SLC25A46: variants seen among roughly 807,000 people sequenced by gnomAD.
SLC25A46 encodes solute carrier family 25 member 46, also known as mitochondrial outer membrane protein SLC25A46.
Under a neutral mutation model 44.6 loss-of-function variants are expected in SLC25A46, and 39 were observed. That is an observed-to-expected ratio of 0.87 (90% CI 0.68 to 1.14). The LOEUF (loss-of-function observed/expected upper bound fraction) is 1.14, where lower values mean the gene tolerates loss of function less well. Among genes scored for constraint, SLC25A46 ranks in the 50% most tolerant of loss-of-function variants. The pLI is 0.00. For missense variants in SLC25A46, 547 were observed against 522.7 expected, an observed-to-expected ratio of 1.05 and a Z score of -0.45; for synonymous variants, 202 against 185.8, an observed-to-expected ratio of 1.09 and a Z score of -0.71.
intron 2 of SLC25A46, 62 bp from the exon 3 acceptor site, chr5:110,743,668 C>T (rs931402153): frequency 1.1e-5 from 10 of 879,038 alleles, no homozygotes; most frequent in African/African-American, 7.0e-5. Flanking sequence ...CAGAAAGATA[C>T]CTGTTGTAAA....
chr5:110,742,932 T>C (rs1196542725), intron 2 of SLC25A46, among the ~76,000 whole-genome samples: 1 of 152,078 alleles, frequency 6.6e-6, no homozygotes, highest in East Asian at 1.9e-4. Flanking sequence ...ATAATGATCA[T>C]TATTTTAAAC....
Position 110,761,365 on chromosome 5 carries a change from A to G in SLC25A46, c.840A>G (p.Ser280=). ...LHGVLHYIIS[S]VIQKFVLLIL... ...GAGTTCTTCATTACATCATCAGCTC[A>G]GTTATTCAGAAGTTTGTCCTACTAA... Residue 280 remains serine (S), a synonymous_variant, in exon 8 of 8, where the codon TCA becomes TCG. Transcript: ENST00000355943. This position sits in a 1 kb window ranked among gnomAD's most constrained non-coding sequence, Gnocchi z 5.3. 1 of 1,613,754 alleles carries G rather than the reference A, an allele frequency of 6.2e-7. No homozygotes were observed. Among genetic ancestry groups the G allele is most frequent in the East Asian group, 2.2e-5 (1 of 44,852 alleles).
rs753479797 is a variant in SLC25A46, at chr5:110,756,698, A to G, written c.621-4A>G. 6.4e-6 allele frequency: 10 copies of G among 1,573,124 alleles called. No homozygotes were observed. Among genetic ancestry groups the G allele is most frequent in the African/African-American group, 1.4e-5 (1 of 72,424 alleles). ...TACTGATAAATTTGTTTTAATTTCT[A>G]TAGCCTAACTTACGTGGTGGCAATG... On this transcript the variant is annotated splice_region_variant and splice_polypyrimidine_tract_variant and intron_variant, in intron 6 of 7. Transcript: ENST00000355943.
intron 7 of SLC25A46, 140 bp downstream of exon 7, chr5:110,756,899 T>A (rs1800130843): frequency 2.1e-6 from 1 of 468,134 alleles, no homozygotes; most frequent in African/African-American, 2.0e-5. Flanking sequence ...ATCACAGTTA[T>A]ATCGCACGTT....
chr5:110,738,553 T>C (rs548349842), upstream of SLC25A46, among the ~76,000 whole-genome samples: 19 of 152,214 alleles, frequency 1.2e-4, no homozygotes, highest in African/African-American at 3.1e-4. Flanking sequence ...TCAATAGATT[T>C]GATCCAAAAC....
At chr5:110,755,838 T>G (rs983971027) in intron 6 of SLC25A46, among the ~76,000 whole-genome samples, 1 of 152,212 alleles carries the variant, frequency 6.6e-6, no homozygotes, top group East Asian at 1.9e-4. Context: ...ATTTTATTGT[T>G]AATCAGAGAT....
chr5:110,746,714 C>T (rs538447513), intron 4 of SLC25A46, among the ~76,000 whole-genome samples: 120 of 152,198 alleles, frequency 7.9e-4, no homozygotes, highest in African/African-American at 2.6e-3. Context: ...GGCTTGGGCA[C>T]AGTGTATGGC....
chr5:110,738,376 A>C (rs1286901915), upstream of SLC25A46: 1 of 585,142 alleles, frequency 1.7e-6, no homozygotes, highest in East Asian at 1.3e-4. Context: ...ACAGAAAACT[A>C]TAGTTTCTTT....
At chr5:110,738,973 G>C, upstream of SLC25A46, 5 of 1,451,320 alleles carry the variant, frequency 3.4e-6, no homozygotes, top group Non-Finnish European at 4.5e-6. Context: ...GTGCTCCGAA[G>C]ACTTCCGGGT....
chr5:110,761,792 T>C lies in SLC25A46; in HGVS notation c.*10T>C. Reference sequence around the variant, plus strand: ...TCAAAATAACATTTGAGATTTAGGTTCCTTCACTGAGTAGTCTGGAAGATA... The same window carrying C: ...TCAAAATAACATTTGAGATTTAGGTCCCTTCACTGAGTAGTCTGGAAGATA... On this transcript the variant is annotated 3_prime_UTR_variant, in exon 8 of 8. Coordinates refer to ENST00000355943, the MANE Select transcript of SLC25A46 (RefSeq NM_138773.4). This position sits in a 1 kb window ranked among gnomAD's most constrained non-coding sequence, Gnocchi z 5.3. The C allele has an allele frequency of 1.3e-6, 2 of 1,590,516 alleles. No homozygotes were observed. Among genetic ancestry groups the C allele is most frequent in the Non-Finnish European group, 8.6e-7 (1 of 1,166,922 alleles).
In SLC25A46 at chr5:110,750,392, T is replaced by C. The variant is rs555462032; in HGVS notation, c.563+2129T>C. On this transcript the variant is annotated intron_variant, in intron 5 of 7. Transcript: ENST00000355943. ...TTTAACAAACAATTCTGTAAAAAAA[T>C]AACAAAATGCAGGAAATTCCATTTG... is the stretch of plus-strand genomic sequence containing the variant. 5.3e-5 allele frequency among the ~76,000 whole-genome samples: 8 copies of C among 152,054 alleles called. No individual in the cohort carries two copies. The South Asian group carries it at 1.7e-3, about 32-fold the overall frequency.
In SLC25A46 at chr5:110,739,292, G is replaced by C. The variant is rs766876006; in HGVS notation, c.173G>C (p.Gly58Ala). ...DIPGSRNLHWGEKSPPYGVPT... is the reference protein window; with the variant it reads ...DIPGSRNLHWAEKSPPYGVPT... ...CCCGGCAGCCGCAACCTGCACTGGG[G>C]CGAGAAGAGCCCGCCCTACGGCGTG... Residue 58 changes from glycine to alanine, a missense_variant, in exon 1 of 8, where the codon GGC (glycine) becomes GCC (alanine). Gly to Ala is a moderately conservative substitution (Grantham distance 60). Coordinates refer to ENST00000355943, the MANE Select transcript of SLC25A46 (RefSeq NM_138773.4). 1.3e-6 allele frequency: 2 copies of C among 1,573,672 alleles called. No individual in the cohort carries two copies. Among genetic ancestry groups the C allele is most frequent in the South Asian group, 2.3e-5 (2 of 85,868 alleles).
intron 7 of SLC25A46, among the ~76,000 whole-genome samples, chr5:110,760,353 G>A (rs999700146): frequency 7.9e-5 from 12 of 151,978 alleles, no homozygotes; most frequent in African/African-American, 2.9e-4. Context: ...CTTTTGAACT[G>A]GTTTCTCAAC....
chr5:110,738,961 A>T (rs1451234258), upstream of SLC25A46: 4 of 1,444,890 alleles, frequency 2.8e-6, no homozygotes, highest in African/African-American at 4.3e-5. Context: ...GGCTATAATC[A>T]CGTGCTCCGA....
chr5:110,743,736 T>G lies in SLC25A46; in HGVS notation c.333T>G (p.Phe111Leu). Residue 111 changes from phenylalanine (F) to leucine (L), a missense_variant, in exon 3 of 8, where the codon TTT becomes TTG. Transcript: ENST00000355943. ...AGFGIGLASL[F>L]TENVLAHPCI... ...ATAAATTATTTTTATATAGTCTCTTTACAGAAAATGTATTGGCACATCCTT... is the reference window on the plus strand; with the variant it reads ...ATAAATTATTTTTATATAGTCTCTTGACAGAAAATGTATTGGCACATCCTT... 6.3e-7 allele frequency: 1 copy of G among 1,594,596 alleles called. No individual in the cohort carries two copies. Among genetic ancestry groups the G allele is most frequent in the Non-Finnish European group, 8.6e-7 (1 of 1,166,488 alleles).
intron 5 of SLC25A46, among the ~76,000 whole-genome samples, chr5:110,751,456 G>T (rs2150413019): frequency 6.6e-6 from 1 of 152,266 alleles, no homozygotes; most frequent in South Asian, 2.1e-4. Context: ...AGAGAATTCA[G>T]GTGTAACTGA....
chr5:110,757,771 A>C (rs1193404915), intron 7 of SLC25A46, among the ~76,000 whole-genome samples: 1 of 152,116 alleles, frequency 6.6e-6, no homozygotes, highest in Non-Finnish European at 1.5e-5. Flanking sequence ...CCTCATTTTA[A>C]AGGTAAGGGA....
At chr5:110,749,394 C>T (rs1266836219) in intron 5 of SLC25A46, among the ~76,000 whole-genome samples, 1 of 150,360 alleles carries the variant, frequency 6.7e-6, no homozygotes, top group South Asian at 2.1e-4. Flanking sequence ...ATAAAAGTAG[C>T]AGCTGAAGCT....
In SLC25A46 at chr5:110,739,021, A is replaced by T. The variant is rs769538816; in HGVS notation, c.-99A>T. On this transcript the variant is annotated 5_prime_UTR_variant, in exon 1 of 8. Coordinates refer to ENST00000355943, the MANE Select transcript of SLC25A46 (RefSeq NM_138773.4). ...TTCCGGTTGTCAGAATTTACCCCTG[A>T]CGCGGCGGCGGCCGACGGGAAGCTG... 483 of 1,486,156 alleles carry T rather than the reference A, an allele frequency of 3.2e-4. No homozygotes were observed. The highest frequency in any genetic ancestry group is 2.4e-3 in the Middle Eastern group (10 of 4,128). 92.1% of individuals were successfully genotyped at this position (1,486,156 alleles called of 1,614,324 possible).
Sources: allele counts gnomAD v4.1 joint callset (sites outside exome capture counted in the v4.1 genomes callset), GRCh38; gene constraint gnomAD v4.1.1; non-coding constraint Gnocchi (gnomAD v3.1); transcripts MANE v1.5; gene names NCBI Gene and HGNC (gene_info 2026-07-23, HGNC 2026-07-21).